EXOC6B: variants seen among roughly 807,000 people sequenced by gnomAD.
EXOC6B encodes the protein exocyst complex component 6B.
In EXOC6B, 54 loss-of-function variants were observed where a neutral mutation model predicts 113.5. The ratio of observed to expected loss-of-function variants is 0.48; its 90% CI spans 0.38 to 0.60. The LOEUF (loss-of-function observed/expected upper bound fraction) is 0.60, where lower values mean the gene tolerates loss of function less well. Ranked by LOEUF, EXOC6B falls within the 20% of genes least tolerant of loss-of-function variation. EXOC6B has a pLI of 0.00. For missense variants in EXOC6B, 797 were observed against 977.5 expected (o/e 0.82, Z 2.46); for synonymous variants, 357 against 339.0 (o/e 1.05, Z -0.58).
chr2:72,407,624 T>C (rs981884614), intron 18 of EXOC6B, among the ~76,000 whole-genome samples: 3 of 152,184 alleles, frequency 2.0e-5, no homozygotes, highest in Non-Finnish European at 4.4e-5. Flanking sequence ...CACATGATTA[T>C]CTCAATAGAT....
intron 18 of EXOC6B, among the ~76,000 whole-genome samples, chr2:72,449,277 A>G (rs1267335441): frequency 3.3e-5 from 5 of 151,362 alleles, no homozygotes; most frequent in Admixed American, 2.0e-4. Flanking sequence ...CTGCCTCCTG[A>G]GTTCACGCCA....
chr2:72,786,486 T>C (rs1482505405), intron 1 of EXOC6B, among the ~76,000 whole-genome samples: 1 of 152,250 alleles, frequency 6.6e-6, no homozygotes, highest in East Asian at 1.9e-4. Context: ...TCACTTGTAC[T>C]ATGTTGATGA....
At chr2:72,356,789 G>C (rs1689991265) in intron 19 of EXOC6B, among the ~76,000 whole-genome samples, 1 of 151,952 alleles carries the variant, frequency 6.6e-6, no homozygotes, top group South Asian at 2.1e-4. Flanking sequence ...ACTTTCCATG[G>C]TTTCAGTCAT....
At chr2:72,478,222 C>G (rs1039660528) in intron 17 of EXOC6B, among the ~76,000 whole-genome samples, 1 of 152,276 alleles carries the variant, frequency 6.6e-6, no homozygotes, top group African/African-American at 2.4e-5. Flanking sequence ...AATTAATAAA[C>G]ACTTTCATTC....
chr2:72,194,688 G>A (rs1051795547), intron 20 of EXOC6B, among the ~76,000 whole-genome samples: 1 of 152,068 alleles, frequency 6.6e-6, no homozygotes, highest in Non-Finnish European at 1.5e-5. Flanking sequence ...ATGGAACTGG[G>A]AGTGCAGGAA....
At chr2:72,822,162 A>T (rs1686618164) in intron 1 of EXOC6B, among the ~76,000 whole-genome samples, 1 of 152,188 alleles carries the variant, frequency 6.6e-6, no homozygotes. Context: ...GAAAACAGGG[A>T]GCTATTGTTC....
chr2:72,305,422 T>C (rs888459116), intron 20 of EXOC6B, among the ~76,000 whole-genome samples: 2 of 152,142 alleles, frequency 1.3e-5, no homozygotes, highest in Non-Finnish European at 2.9e-5. Context: ...TATTCTTATC[T>C]AGTTGTCCCT....
chr2:72,378,426 C>T (rs1262193105), intron 19 of EXOC6B, among the ~76,000 whole-genome samples: 1 of 152,170 alleles, frequency 6.6e-6, no homozygotes, highest in Non-Finnish European at 1.5e-5. Flanking sequence ...TGTCCCCAGA[C>T]AGAAAAATGG....
intron 20 of EXOC6B, among the ~76,000 whole-genome samples, chr2:72,221,596 T>C (rs1680872347): frequency 6.6e-6 from 1 of 152,198 alleles, no homozygotes; most frequent in South Asian, 2.1e-4. Context: ...ATTTATCTAT[T>C]TCCTTACTCG....
At chr2:72,352,902 A>G (rs1229089514) in intron 19 of EXOC6B, among the ~76,000 whole-genome samples, 1 of 152,168 alleles carries the variant, frequency 6.6e-6, no homozygotes, top group Non-Finnish European at 1.5e-5. Context: ...TATACCCTAT[A>G]AAAGCGCTCA....
intron 19 of EXOC6B, 58 bp from the exon 20 acceptor site, chr2:72,335,078 G>T: frequency 6.8e-7 from 1 of 1,481,280 alleles, no homozygotes; most frequent in Non-Finnish European, 9.4e-7. Context: ...CAGGGAGATT[G>T]GCAGACGGAT....
At chr2:72,339,409 T>C (rs956779471) in intron 19 of EXOC6B, among the ~76,000 whole-genome samples, 1 of 152,198 alleles carries the variant, frequency 6.6e-6, no homozygotes, top group African/African-American at 2.4e-5. Context: ...CCAGAGATTC[T>C]GAAGCATTGG....
chr2:72,312,158 T>C (rs1441149708), intron 20 of EXOC6B, among the ~76,000 whole-genome samples: 1 of 152,192 alleles, frequency 6.6e-6, no homozygotes, highest in Non-Finnish European at 1.5e-5. Context: ...AATGGAATAA[T>C]AGATCATTGC....
chr2:72,438,968 A>G (rs1696040211), intron 18 of EXOC6B, among the ~76,000 whole-genome samples: 1 of 152,202 alleles, frequency 6.6e-6, no homozygotes, highest in Non-Finnish European at 1.5e-5. Context: ...GGAAATAGTA[A>G]GTTAATTCCA....
At chr2:72,542,430 T>C (rs998431412) in intron 8 of EXOC6B, among the ~76,000 whole-genome samples, 2 of 152,228 alleles carry the variant, frequency 1.3e-5, no homozygotes, top group Admixed American at 1.3e-4. Context: ...CTGGAGTTTC[T>C]AGCATTTCAC....
intron 20 of EXOC6B, among the ~76,000 whole-genome samples, chr2:72,252,244 A>G (rs139843656): frequency 6.6e-6 from 1 of 152,304 alleles, no homozygotes; most frequent in Admixed American, 6.5e-5. Context: ...ATTTATATAA[A>G]CAGGGGTAAA....
chr2:72,336,626 T>C (rs1430289430), intron 19 of EXOC6B, among the ~76,000 whole-genome samples: 1 of 152,194 alleles, frequency 6.6e-6, no homozygotes, highest in African/African-American at 2.4e-5. Context: ...AGTACTAAAG[T>C]TTCTATTTGC....
intron 18 of EXOC6B, among the ~76,000 whole-genome samples, chr2:72,451,900 T>C (rs532148223): frequency 2.0e-5 from 3 of 152,232 alleles, no homozygotes; most frequent in Non-Finnish European, 2.9e-5. Context: ...ATTGTGGCTA[T>C]AGACTACCAT....
chr2:72,460,272 A>T (rs1357493189), intron 18 of EXOC6B, among the ~76,000 whole-genome samples: 2 of 116,712 alleles, frequency 1.7e-5, no homozygotes, highest in Non-Finnish European at 1.6e-5. Flanking sequence ...AACCTAGGCA[A>T]TACCATTCAA....
Sources: gnomAD v4.1 joint callset for allele counts (sites outside exome capture counted in the v4.1 genomes callset) on GRCh38, gnomAD v4.1.1 for gene constraint, MANE v1.5 for transcripts, NCBI Gene and HGNC (gene_info 2026-07-23, HGNC 2026-07-21) for gene names.